SYTL3: variants seen among roughly 807,000 people sequenced by gnomAD.
The protein encoded by SYTL3 is synaptotagmin-like protein 3.
A neutral mutation model predicts 82.1 loss-of-function variants in SYTL3; 88 were observed. The ratio of observed to expected loss-of-function variants is 1.07; its 90% confidence interval spans 0.90 to 1.28. SYTL3 has a LOEUF of 1.28. SYTL3 is among the 50% of genes most tolerant of loss of function. The pLI, the probability that SYTL3 is intolerant of heterozygous loss-of-function variation, is 0.00. For missense variants in SYTL3, 831 were observed against 757.6 expected (o/e 1.10, Z -1.14); for synonymous variants, 311 against 289.4 (o/e 1.07, Z -0.76).
chr6:158,762,964 A>T (rs1054353712), intron 16 of SYTL3, among the ~76,000 whole-genome samples: 1 of 152,192 alleles, frequency 6.6e-6, no homozygotes, highest in African/African-American at 2.4e-5. Flanking sequence ...GCTTATCTGC[A>T]TGGCCTTGGA....
At position 158,764,687 on chromosome 6, in the gene SYTL3, C is replaced by G. The variant is rs986901812; in HGVS notation, c.*83C>G. On this transcript the variant is annotated 3_prime_UTR_variant, in exon 18 of 18. Transcript: ENST00000611299. ...GGGGCTACGAACCAGGTGCAGGGTCCCAGCTGGAGACCCCTTTGACCTTGA... is the reference window on the plus strand; with the variant it reads ...GGGGCTACGAACCAGGTGCAGGGTCGCAGCTGGAGACCCCTTTGACCTTGA... 1.0e-6 allele frequency: 1 copy of G among 973,806 alleles called. No individual in the cohort carries two copies. The highest frequency in any genetic ancestry group is 1.6e-6 in the Non-Finnish European group (1 of 609,076). The allele number at this position is 973,806 out of a possible 1,614,324, so 60.3% of individuals were successfully genotyped here.
At chr6:158,689,300 C>CT (rs1779609069) in intron 6 of SYTL3, among the ~76,000 whole-genome samples, 1 of 152,176 alleles carries the variant, frequency 6.6e-6, no homozygotes, top group Admixed American at 6.5e-5. Context: ...CAATAGATAA[C>CT]TTTATCAGTT....
intron 10 of SYTL3, among the ~76,000 whole-genome samples, chr6:158,722,483 G>T (rs1416223767): frequency 6.6e-6 from 1 of 152,120 alleles, no homozygotes; most frequent in Non-Finnish European, 1.5e-5. Flanking sequence ...CCACTTCTCT[G>T]TTAAGTTTGA....
intron 11 of SYTL3, among the ~76,000 whole-genome samples, chr6:158,739,382 T>C (rs2128502951): frequency 6.6e-6 from 1 of 152,342 alleles, no homozygotes; most frequent in East Asian, 1.9e-4. Context: ...AGCAATGTTA[T>C]TATGATGTAC....
At chr6:158,733,943 A>G (rs1785782792) in intron 11 of SYTL3, among the ~76,000 whole-genome samples, 1 of 151,520 alleles carries the variant, frequency 6.6e-6, no homozygotes, top group African/African-American at 2.4e-5. Context: ...TAAAAATACA[A>G]AAAAATTAGC....
intron 12 of SYTL3, among the ~76,000 whole-genome samples, chr6:158,746,399 A>G (rs906725726): frequency 2.2e-4 from 33 of 151,088 alleles, no homozygotes; most frequent in African/African-American, 7.8e-4. Context: ...GAGATTTAAA[A>G]TGTTATTCTC....
chr6:158,705,624 G>A (rs1490913950), intron 6 of SYTL3, among the ~76,000 whole-genome samples: 2 of 46,498 alleles, frequency 4.3e-5, no homozygotes, highest in African/African-American at 4.5e-4. Flanking sequence ...GAGCAGGAGG[G>A]ACTCGGGGCA....
chr6:158,683,473 C>G (rs1778962546), intron 6 of SYTL3, among the ~76,000 whole-genome samples: 1 of 152,172 alleles, frequency 6.6e-6, no homozygotes, highest in South Asian at 2.1e-4. Flanking sequence ...CCCGCCTCGG[C>G]CTCCCAAGGT....
chr6:158,660,483 C>T (rs1198750709), intron 2 of SYTL3, among the ~76,000 whole-genome samples: 1 of 152,158 alleles, frequency 6.6e-6, no homozygotes, highest in Non-Finnish European at 1.5e-5. Flanking sequence ...GGCCCACAGG[C>T]GGGGGTTTGG....
At chr6:158,757,979 A>G (rs2128544020) in intron 14 of SYTL3, among the ~76,000 whole-genome samples, 1 of 151,892 alleles carries the variant, frequency 6.6e-6, no homozygotes, top group African/African-American at 2.4e-5. Flanking sequence ...TCCATTTAGG[A>G]TCCGTGTCCC....
At chr6:158,670,693 G>A (rs1777267607) in intron 5 of SYTL3, among the ~76,000 whole-genome samples, 1 of 151,940 alleles carries the variant, frequency 6.6e-6, no homozygotes, top group African/African-American at 2.4e-5. Context: ...TGAGGTACAA[G>A]AATCGCTGGA....
chr6:158,745,250 A>G (rs1365636945), intron 11 of SYTL3, among the ~76,000 whole-genome samples: 1 of 151,680 alleles, frequency 6.6e-6, no homozygotes, highest in African/African-American at 2.4e-5. Flanking sequence ...ATTTATTGCT[A>G]GGCAAAAACT....
chr6:158,730,773 C>G (rs994829325), intron 11 of SYTL3, among the ~76,000 whole-genome samples: 2 of 150,948 alleles, frequency 1.3e-5, no homozygotes, highest in Non-Finnish European at 3.0e-5. Flanking sequence ...AGAAAAGCTG[C>G]GGGGCGGTAA....
chr6:158,763,194 T>C, intron 16 of SYTL3, 110 bp from the exon 17 acceptor site: 1 of 1,016,914 alleles, frequency 9.8e-7, no homozygotes, highest in Non-Finnish European at 1.5e-6. Context: ...GGTGTGGATG[T>C]TGTGGACTTG....
chr6:158,759,571 C>T lies in SYTL3; in HGVS notation c.1309-1069C>T, dbSNP rs538633011. On this transcript the variant is annotated intron_variant, in intron 14 of 17. Transcript: ENST00000611299. ...ATTTTGAGACGGAGTTTTGCTCTGT[C>T]GTCCAGGCTGGAGTGAAGTGGCGTG... Among the ~76,000 whole-genome samples, 7 of 152,308 alleles carry T rather than the reference C, an allele frequency of 4.6e-5. No homozygotes were observed. The South Asian group carries it at 8.3e-4, about 18-fold the overall frequency.
intron 2 of SYTL3, among the ~76,000 whole-genome samples, chr6:158,652,885 T>C (rs950983685): frequency 2.0e-5 from 3 of 152,142 alleles, no homozygotes; most frequent in African/African-American, 7.2e-5. Context: ...ACCTGAAACT[T>C]GTACAACTTG....
chr6:158,651,127 C>T (rs1357685507), intron 1 of SYTL3, among the ~76,000 whole-genome samples: 2 of 152,116 alleles, frequency 1.3e-5, no homozygotes, highest in Admixed American at 1.3e-4. Context: ...TCACTCTCCT[C>T]ATCTGTAGAA....
At position 158,693,855 on chromosome 6, in the gene SYTL3, C is replaced by CTTTTTTTTTTTT. The variant is rs575358067; in HGVS notation, c.394+10873_394+10884dup. ...TGCATCCAGCCTTTCTTTTTCTTTTCTTTTTTTTTTTTTTTTTTGTAGATA... is the reference window on the plus strand; with the variant it reads ...TGCATCCAGCCTTTCTTTTTCTTTTCTTTTTTTTTTTTTTTTTTTTTTTTTTTTTTGTAGATA... On this transcript the variant is annotated intron_variant, in intron 6 of 17. Coordinates refer to ENST00000611299, the MANE Select transcript of SYTL3 (RefSeq NM_001242394.2). Among the ~76,000 whole-genome samples, 12 of 96,856 alleles carry CTTTTTTTTTTTT rather than the reference C, an allele frequency of 1.2e-4. 1 individual carries two copies. Among genetic ancestry groups the CTTTTTTTTTTTT allele is most frequent in the African/African-American group, 2.7e-4 (5 of 18,624 alleles). 63.5% of individuals were successfully genotyped at this position (96,856 alleles called of 152,430 possible). A position where few individuals can be genotyped will look rare whatever the true frequency, so the allele number is the denominator to read the frequency against.
At position 158,757,296 on chromosome 6, in the gene SYTL3, T is replaced by C. The variant is rs755998090; in HGVS notation, c.1223T>C (p.Leu408Pro). 4 of 1,613,880 alleles carry C rather than the reference T, an allele frequency of 2.5e-6. No individual in the cohort carries two copies. Among genetic ancestry groups the C allele is most frequent in the Non-Finnish European group, 3.4e-6 (4 of 1,179,974 alleles). The part of the protein sequence containing the change: ...HLGTLARRVF[L>P]GEVIIPLATW... ...GGCACGCTGGCCCGGAGAGTGTTTC[T>C]TGGAGAAGTGATCATTCCTCTGGCC... Residue 408 changes from leucine to proline, a missense_variant, in exon 14 of 18, where the codon CTT (leucine) becomes CCT (proline). By Grantham distance (98) the Leu-to-Pro change is moderately conservative. Coordinates refer to ENST00000611299, the MANE Select transcript of SYTL3 (RefSeq NM_001242394.2).
Sources: allele counts gnomAD v4.1 joint callset (sites outside exome capture counted in the v4.1 genomes callset), GRCh38; gene constraint gnomAD v4.1.1; transcripts MANE v1.5; gene names NCBI Gene and HGNC (gene_info 2026-07-23, HGNC 2026-07-21).